Variants in DNAH11 observed in about 807,000 individuals in gnomAD.
The protein encoded by DNAH11 is dynein axonemal heavy chain 11, also known as axonemal beta dynein heavy chain 11.
In DNAH11, 442 loss-of-function variants were observed where a neutral mutation model predicts 526.0. The observed-to-expected ratio is 0.84, with a 90% CI of 0.78 to 0.91. DNAH11 has a LOEUF of 0.91. Among genes scored for constraint, DNAH11 ranks in the 40% least tolerant of loss-of-function variants. The pLI is 0.00. For missense variants in DNAH11, 6,989 were observed against 5,448.7 expected (o/e 1.28, Z -8.90); for synonymous variants, 2,461 against 1,935.9 (o/e 1.27, Z -7.12).
intron 73 of DNAH11, among the ~76,000 whole-genome samples, chr7:21,871,932 C>G (rs927608088): frequency 2.6e-5 from 4 of 151,564 alleles, no homozygotes; most frequent in Admixed American, 2.6e-4. Flanking sequence ...ACCATCCTGG[C>G]TAACACAGTG....
At chr7:21,726,215 G>C (rs986892372) in intron 45 of DNAH11, among the ~76,000 whole-genome samples, 1 of 152,070 alleles carries the variant, frequency 6.6e-6, no homozygotes, top group Non-Finnish European at 1.5e-5. Flanking sequence ...GAGAGAGTGA[G>C]GGGGGAGGTG....
At chr7:21,567,201 T>G (rs1783706497) in intron 6 of DNAH11, among the ~76,000 whole-genome samples, 1 of 152,206 alleles carries the variant, frequency 6.6e-6, no homozygotes, top group Non-Finnish European at 1.5e-5. Context: ...TAAAAAAATT[T>G]GGGGTCATTT....
chr7:21,884,711 C>A (rs1247249214), intron 76 of DNAH11, among the ~76,000 whole-genome samples: 1 of 152,174 alleles, frequency 6.6e-6, no homozygotes, highest in African/African-American at 2.4e-5. Context: ...GTATGCAGAG[C>A]TGACGCTGTT....
At chr7:21,714,605 C>T (rs929343262) in intron 42 of DNAH11, among the ~76,000 whole-genome samples, 7 of 152,032 alleles carry the variant, frequency 4.6e-5, no homozygotes, top group Admixed American at 4.6e-4. Flanking sequence ...ATTTTCCAAG[C>T]GAATCTCGTA....
At position 21,588,578 on chromosome 7, in the gene DNAH11, C is replaced by T. The variant is rs200073714; in HGVS notation, c.1915C>T (p.Gln639Ter). Residue 639 changes from glutamine to a stop codon, truncating the protein, a stop_gained, in exon 11 of 82, where the codon CAG becomes TAG. Transcript: ENST00000409508. LOFTEE classifies it high-confidence loss of function. ...PFTSGNMKWAQQVLQRLQMFW... is the reference protein window; with the variant it reads ...PFTSGNMKWA ...TACCTCAGGAAATATGAAATGGGCCCAGCAGGTTCTCCAACGACTTCAAAT... is the reference window on the plus strand; with the variant it reads ...TACCTCAGGAAATATGAAATGGGCCTAGCAGGTTCTCCAACGACTTCAAAT... 1.2e-4 allele frequency: 190 copies of T among 1,613,524 alleles called. No homozygotes were observed. The highest frequency in any genetic ancestry group is 1.6e-4 in the Middle Eastern group (1 of 6,062).
At chr7:21,686,160 A>T (rs1383006250) in intron 32 of DNAH11, among the ~76,000 whole-genome samples, 1 of 152,236 alleles carries the variant, frequency 6.6e-6, no homozygotes, top group Non-Finnish European at 1.5e-5. Context: ...TTTGCATAGT[A>T]CTTTCAATTT....
intron 14 of DNAH11, among the ~76,000 whole-genome samples, chr7:21,595,856 A>G (rs1022022843): frequency 6.6e-6 from 1 of 151,954 alleles, no homozygotes; most frequent in Non-Finnish European, 1.5e-5. Flanking sequence ...TGGCTGGACC[A>G]CCATTCTTCT....
At chr7:21,588,392 T>C (rs1784547697) in intron 10 of DNAH11, 120 bp from the exon 11 acceptor site, 10 of 1,378,500 alleles carry the variant, frequency 7.3e-6, no homozygotes, top group Non-Finnish European at 9.9e-6. Context: ...AATCAAGTGA[T>C]TAAACACATA....
chr7:21,869,175 C>G (rs1312602094), intron 73 of DNAH11, among the ~76,000 whole-genome samples, 184 bp downstream of exon 73: 1 of 152,162 alleles, frequency 6.6e-6, no homozygotes, highest in Non-Finnish European at 1.5e-5. Flanking sequence ...ACAGCGATGG[C>G]TGTCATCTTC....
intron 66 of DNAH11, among the ~76,000 whole-genome samples, chr7:21,852,025 A>C (rs527805148): frequency 6.6e-6 from 1 of 152,130 alleles, no homozygotes; most frequent in Non-Finnish European, 1.5e-5. Context: ...ATTTCTAAAA[A>C]TTGTGATTGG....
chr7:21,735,559 T>A (rs1785565214), intron 45 of DNAH11, 81 bp from the exon 46 acceptor site: 2 of 1,177,124 alleles, frequency 1.7e-6, no homozygotes, highest in Admixed American at 4.4e-5. Context: ...TTGAGTTTGA[T>A]ATAAAATTTT....
chr7:21,763,198 C>T (rs961129134), intron 54 of DNAH11, among the ~76,000 whole-genome samples: 1 of 151,678 alleles, frequency 6.6e-6, no homozygotes, highest in Non-Finnish European at 1.5e-5. Context: ...AAAAATTAGC[C>T]TGGCGTGGTG....
chr7:21,604,277 C>T (rs549163321), intron 18 of DNAH11, among the ~76,000 whole-genome samples: 2 of 152,140 alleles, frequency 1.3e-5, no homozygotes, highest in Non-Finnish European at 2.9e-5. Flanking sequence ...AGTCTTTTGC[C>T]TCTTTTCACT....
intron 69 of DNAH11, 76 bp downstream of exon 69, chr7:21,862,099 C>A: frequency 7.5e-7 from 1 of 1,334,596 alleles, no homozygotes; most frequent in Non-Finnish European, 9.9e-7. Context: ...TATTTTATTT[C>A]TGCTGAAGCA....
intron 6 of DNAH11, among the ~76,000 whole-genome samples, chr7:21,565,649 A>G (rs1783637341): frequency 6.6e-6 from 1 of 152,130 alleles, no homozygotes; most frequent in Admixed American, 6.5e-5. Context: ...TTGAAATCTA[A>G]TTTTCTCACT....
At chr7:21,801,969 G>A (rs572188327) in intron 62 of DNAH11, among the ~76,000 whole-genome samples, 26 of 152,282 alleles carry the variant, frequency 1.7e-4, no homozygotes, top group African/African-American at 5.5e-4. Context: ...AGTATTCACA[G>A]ATTTTATTTG....
intron 12 of DNAH11, among the ~76,000 whole-genome samples, chr7:21,589,973 AAAAACAT>A (rs1338085388): frequency 6.6e-6 from 1 of 152,186 alleles, no homozygotes; most frequent in Non-Finnish European, 1.5e-5. Context: ...GGTAATTTTA[AAAAACAT>A]AAAACATATT....
At chr7:21,762,793 C>T (rs377150347) in intron 54 of DNAH11, among the ~76,000 whole-genome samples, 13 of 152,194 alleles carry the variant, frequency 8.5e-5, no homozygotes, top group African/African-American at 3.1e-4. Context: ...GGGAAATCTT[C>T]AGAAGATTCA....
chr7:21,735,577 C>T (rs1386478054), intron 45 of DNAH11, 63 bp from the exon 46 acceptor site: 2 of 1,449,336 alleles, frequency 1.4e-6, no homozygotes, highest in Non-Finnish European at 1.9e-6. Flanking sequence ...TTTGGAATGC[C>T]TCTCTCTCGC....
Sources: gnomAD v4.1 joint callset for allele counts (sites outside exome capture counted in the v4.1 genomes callset) on GRCh38, gnomAD v4.1.1 for gene constraint, MANE v1.5 for transcripts, NCBI Gene and HGNC (gene_info 2026-07-23, HGNC 2026-07-21) for gene names.